The following ABR variants were observed in gnomAD, a reference collection of about 807,000 sequenced individuals.
The protein encoded by ABR is ABR activator of RhoGEF and GTPase, also known as active breakpoint cluster region-related protein.
In ABR, 35 loss-of-function variants were observed where a neutral mutation model predicts 107.2. The ratio of observed to expected loss-of-function variants is 0.33; its 90% CI spans 0.25 to 0.43. The LOEUF is 0.43. Among genes scored for constraint, ABR ranks in the 20% least tolerant of loss-of-function variants. The pLI, the probability that ABR is intolerant of heterozygous loss-of-function variation, is 1.00. For synonymous variants in ABR, 498 were observed against 462.0 expected, an observed-to-expected ratio of 1.08 and a Z score of -1.00; for missense variants, 815 against 1,115.2, an observed-to-expected ratio of 0.73 and a Z score of 3.83.
intron 1 of ABR, among the ~76,000 whole-genome samples, chr17:1,175,350 T>C (rs1306834761): frequency 1.3e-5 from 2 of 151,926 alleles, no homozygotes; most frequent in Admixed American, 1.3e-4. Flanking sequence ...AGGCGGAGGT[T>C]GCAGTGAGCC....
In ABR at chr17:1,217,369, C is replaced by T. The variant is rs571419489; in HGVS notation, c.838+11424G>A. 2.6e-5 allele frequency among the ~76,000 whole-genome samples: 4 copies of T among 152,266 alleles called. No homozygotes were observed. The South Asian group carries it at 8.3e-4, about 32-fold the overall frequency. On this transcript the variant is annotated intron_variant, in intron 1 of 22. Coordinates refer to the ABR transcript ENST00000574139. ...ACCAGGCAACAAGATGAGCAAGATA[C>T]CATGTTTCACCTTTATAGTCTATTT...
intron 1 of ABR, among the ~76,000 whole-genome samples, chr17:1,208,019 C>A (rs1329337845): frequency 1.3e-5 from 2 of 152,156 alleles, no homozygotes; most frequent in South Asian, 4.1e-4. Context: ...GATCCACCCG[C>A]TTCGGCCTCC....
intron 16 of ABR, among the ~76,000 whole-genome samples, chr17:1,044,327 G>A (rs1307485045): frequency 1.3e-5 from 2 of 152,186 alleles, no homozygotes; most frequent in Non-Finnish European, 2.9e-5. Flanking sequence ...CTTCTCTCCG[G>A]AAAACAGGAT....
intron 2 of ABR, chr17:1,109,117 G>C: frequency 1.3e-6 from 2 of 1,569,402 alleles, no homozygotes; most frequent in Middle Eastern, 1.7e-4. Flanking sequence ...TCCACGCAGC[G>C]GCGGCGGGAG....
At chr17:1,108,905 C>A (rs200103625) in intron 2 of ABR, 32 of 1,564,338 alleles carry the variant, frequency 2.0e-5, no homozygotes, top group African/African-American at 7.1e-5. Context: ...CCGGCCCCCC[C>A]CAGCGCCCAG....
At chr17:1,077,923 C>T (rs1004005355) in intron 6 of ABR, among the ~76,000 whole-genome samples, 2 of 152,172 alleles carry the variant, frequency 1.3e-5, no homozygotes, top group Admixed American at 6.5e-5. Context: ...CCCCTTGGCA[C>T]GTCTTGCCTC....
intron 16 of ABR, among the ~76,000 whole-genome samples, chr17:1,033,969 ATTTT>A (rs560978094): frequency 4.8e-5 from 6 of 124,590 alleles, no homozygotes; most frequent in Admixed American, 8.2e-5. Flanking sequence ...CACTCATGTC[ATTTT>A]TTTTTTTTTT....
rs73975653 is a variant in ABR, at chr17:1,144,269, C to T, written c.62-18902G>A. On this transcript the variant is annotated intron_variant, in intron 1 of 22. Transcript: ENST00000302538. ...ACGACGAAAGCTGACGGCATGTGTA[C>T]GCAAGCAACAGCCACTCAACAAACA... is the stretch of plus-strand genomic sequence containing the variant. Among the ~76,000 whole-genome samples, 411 of 152,184 alleles carry T rather than the reference C, an allele frequency of 2.7e-3. 2 individuals carry two copies. Among genetic ancestry groups the T allele is most frequent in the African/African-American group, 9.4e-3 (390 of 41,500 alleles).
intron 1 of ABR, among the ~76,000 whole-genome samples, chr17:1,212,887 TA>T (rs879916039): frequency 1.2e-3 from 164 of 140,266 alleles, no homozygotes; most frequent in Middle Eastern, 7.3e-3. Context: ...AGACACTGTC[TA>T]AAAAAAAAAA....
intron 2 of ABR, chr17:1,109,218 C>G (rs1474858346): frequency 1.9e-6 from 2 of 1,062,922 alleles, no homozygotes; most frequent in South Asian, 2.1e-5. Context: ...GCATCCCGGA[C>G]CTAGTCCAGC....
intron 5 of ABR, among the ~76,000 whole-genome samples, chr17:1,083,117 C>G (rs2036362725): frequency 8.7e-6 from 1 of 115,140 alleles, no homozygotes; most frequent in Non-Finnish European, 1.7e-5. Context: ...GAGCAAGACT[C>G]TGTCTCAAAA....
Position 1,103,301 on chromosome 17 carries a change from G to T in ABR, c.247-2566C>A, listed in dbSNP as rs146597151. On this transcript the variant is annotated intron_variant, in intron 2 of 22. Transcript: ENST00000302538. ...GCCTCCAGCACACGTAGCCCCGGGGGACAAGATCAGAGCCTGGAACAGCCC... is the reference window on the plus strand; with the variant it reads ...GCCTCCAGCACACGTAGCCCCGGGGTACAAGATCAGAGCCTGGAACAGCCC... Among the ~76,000 whole-genome samples, 266 of 152,110 alleles carry T rather than the reference G, an allele frequency of 1.7e-3. 2 individuals carry two copies. Among genetic ancestry groups the T allele is most frequent in the African/African-American group, 5.5e-3 (228 of 41,500 alleles).
At chr17:1,013,665 G>A (rs569267498) in intron 16 of ABR, among the ~76,000 whole-genome samples, 2 of 152,244 alleles carry the variant, frequency 1.3e-5, no homozygotes, top group African/African-American at 4.8e-5. Context: ...GCCTGGGTTT[G>A]AATCCTGGCA....
chr17:1,126,417 G>C (rs2039603496), intron 1 of ABR: 1 of 152,480 alleles, frequency 6.6e-6, no homozygotes, highest in Non-Finnish European at 1.5e-5. Context: ...GCCGCCAGCG[G>C]GGGGTGGACA....
chr17:1,193,053 C>CA (rs1408719986), intron 1 of ABR, among the ~76,000 whole-genome samples: 5 of 152,030 alleles, frequency 3.3e-5, no homozygotes, highest in South Asian at 2.1e-4. Flanking sequence ...TATCTCAAAA[C>CA]AAAAAACAAA....
chr17:1,172,566 TG>T (rs1262969246), intron 1 of ABR, among the ~76,000 whole-genome samples: 5 of 152,084 alleles, frequency 3.3e-5, no homozygotes, highest in African/African-American at 1.2e-4. Flanking sequence ...CTGGCCAACA[TG>T]GTGAAACCCC....
intron 16 of ABR, among the ~76,000 whole-genome samples, chr17:1,023,682 C>G (rs1484964553): frequency 6.6e-6 from 1 of 152,200 alleles, no homozygotes; most frequent in African/African-American, 2.4e-5. Context: ...AAGGACCTGT[C>G]AGACCTCCAT....
intron 16 of ABR, among the ~76,000 whole-genome samples, chr17:1,019,552 C>A (rs1002286373): frequency 6.6e-6 from 1 of 151,678 alleles, no homozygotes. Context: ...CCCACGGTGC[C>A]CTGACAACGA....
upstream of ABR, chr17:1,182,256 C>T (rs1444936870): frequency 6.6e-6 from 1 of 152,188 alleles, no homozygotes; most frequent in African/African-American, 2.4e-5. Flanking sequence ...TCTGTTTTCT[C>T]CATTTTCCAG....
Sources: gnomAD v4.1 joint callset for allele counts (sites outside exome capture counted in the v4.1 genomes callset) on GRCh38, gnomAD v4.1.1 for gene constraint, MANE v1.5 for transcripts, NCBI Gene and HGNC (gene_info 2026-07-23, HGNC 2026-07-21) for gene names.